ABCA13: variants seen among roughly 807,000 people sequenced by gnomAD.
ABCA13 encodes ATP-binding cassette sub-family A member 13.
A neutral mutation model predicts 478.7 loss-of-function variants in ABCA13; 476 were observed. That is an observed-to-expected ratio of 0.99 (90% CI 0.92 to 1.07). ABCA13 has a LOEUF of 1.07. ABCA13 is among the 50% of genes least tolerant of loss of function. The pLI is 0.00. For missense variants in ABCA13, 6,060 were observed against 5,910.6 expected, an observed-to-expected ratio of 1.03 and a Z score of -0.83; for synonymous variants, 2,252 against 2,158.9, an observed-to-expected ratio of 1.04 and a Z score of -1.20.
At chr7:48,376,714 G>A in intron 35 of ABCA13, 142 bp downstream of exon 35, 1 of 1,027,588 alleles carries the variant, frequency 9.7e-7, no homozygotes, top group Non-Finnish European at 1.4e-6. Flanking sequence ...AAAAGGAGCT[G>A]TACATTTTTG....
rs375675547 is a variant in ABCA13 at position 48,223,039 on chromosome 7, CA to C, written c.468+1731del. 2.6e-5 allele frequency among the ~76,000 whole-genome samples: 4 copies of C among 152,182 alleles called. No homozygotes were observed. In the East Asian group the frequency reaches 7.7e-4, roughly 29 times the overall value. ...TTTTGATATATTTTGGAGGTAAAAT[CA>C]GTAGGCTCTGTTGATGAATGTGAGG... On this transcript the variant is annotated intron_variant, in intron 5 of 61. Coordinates refer to ENST00000435803, the MANE Select transcript of ABCA13 (RefSeq NM_152701.5).
intron 41 of ABCA13, among the ~76,000 whole-genome samples, 170 bp downstream of exon 41, chr7:48,412,753 TTA>T (rs1819447354): frequency 6.8e-6 from 1 of 147,118 alleles, no homozygotes; most frequent in Non-Finnish European, 1.5e-5. Context: ...ATAACTGAAC[TTA>T]ACAGGCCTGA....
chr7:48,273,324 A>G lies in ABCA13; in HGVS notation c.3658A>G (p.Asn1220Asp). 1 of 1,613,672 alleles carries G rather than the reference A, an allele frequency of 6.2e-7. No individual in the cohort carries two copies. The highest frequency in any genetic ancestry group is 8.5e-7 in the Non-Finnish European group (1 of 1,179,758). Residue 1220 changes from asparagine (N) to aspartate (D), a missense_variant, in exon 17 of 62, where the codon AAT (asparagine) becomes GAT (aspartate). Physicochemically the swap from Asn to Asp is conservative, Grantham distance 23. This residue lies in a region of ABCA13 where 4,423 missense variants were observed against 4,309.1 expected (regional missense o/e 1.03). Coordinates refer to ENST00000435803, the MANE Select transcript of ABCA13 (RefSeq NM_152701.5). ...LNLFKNVTQA[N>D]DFHNWEDFLD... ...TTTGTTTAAAAATGTAACTCAAGCC[A>G]ATGACTTCCATAATTGGGAGGACTT...
chr7:48,441,493 A>C (rs958159834), intron 42 of ABCA13, among the ~76,000 whole-genome samples: 1 of 152,136 alleles, frequency 6.6e-6, no homozygotes, highest in Non-Finnish European at 1.5e-5. Flanking sequence ...TGCTTTTCTG[A>C]GGGATTGATG....
chr7:48,535,520 C>T (rs570114602), intron 55 of ABCA13, among the ~76,000 whole-genome samples: 9 of 152,282 alleles, frequency 5.9e-5, no homozygotes, highest in African/African-American at 9.6e-5. Flanking sequence ...AAGAGTGTAT[C>T]GGCTGCCCTT....
chr7:48,513,124 C>A (rs1831835595), intron 51 of ABCA13, among the ~76,000 whole-genome samples: 1 of 152,190 alleles, frequency 6.6e-6, no homozygotes, highest in Non-Finnish European at 1.5e-5. Context: ...GCCTGGCAAT[C>A]TCTGGGTGAG....
chr7:48,485,205 A>G (rs1829171037), intron 47 of ABCA13, among the ~76,000 whole-genome samples: 2 of 151,892 alleles, frequency 1.3e-5, no homozygotes, highest in Admixed American at 1.3e-4. Flanking sequence ...ATGGAATTTT[A>G]TATATTTGAA....
intron 15 of ABCA13, among the ~76,000 whole-genome samples, chr7:48,264,574 ATT>A (rs1473544559): frequency 6.6e-6 from 1 of 151,688 alleles, no homozygotes; most frequent in African/African-American, 2.4e-5. Context: ...TGTCATCTGT[ATT>A]TTTGTTCATA....
At chr7:48,185,292 G>A (rs544830698) in intron 1 of ABCA13, among the ~76,000 whole-genome samples, 30 of 152,294 alleles carry the variant, frequency 2.0e-4, no homozygotes, top group African/African-American at 7.0e-4. Flanking sequence ...GGAACTAATA[G>A]CATGGTGTTT....
chr7:48,369,651 C>T (rs1812328049), intron 32 of ABCA13, among the ~76,000 whole-genome samples: 1 of 152,200 alleles, frequency 6.6e-6, no homozygotes, highest in African/African-American at 2.4e-5. Flanking sequence ...AATAGGGTGT[C>T]CTTTCCCCAC....
chr7:48,318,305 G>T (rs1015359967), intron 27 of ABCA13, among the ~76,000 whole-genome samples: 8 of 151,982 alleles, frequency 5.3e-5, no homozygotes, highest in Admixed American at 5.2e-4. Flanking sequence ...ACTCTGAATG[G>T]TATTTAAACT....
At chr7:48,369,908 T>A (rs1333792167) in intron 32 of ABCA13, among the ~76,000 whole-genome samples, 1 of 151,992 alleles carries the variant, frequency 6.6e-6, no homozygotes, top group Non-Finnish European at 1.5e-5. Context: ...TTTTAGGATT[T>A]TTTTTTTAGT....
At chr7:48,420,115 A>G (rs1164491121) in intron 41 of ABCA13, among the ~76,000 whole-genome samples, 1 of 152,140 alleles carries the variant, frequency 6.6e-6, no homozygotes, top group African/African-American at 2.4e-5. Context: ...CTCTTCCTTC[A>G]TCTGCATTTT....
chr7:48,573,190 A>AT (rs1005942385), intron 55 of ABCA13, among the ~76,000 whole-genome samples: 3 of 151,906 alleles, frequency 2.0e-5, no homozygotes, highest in African/African-American at 7.2e-5. Context: ...TTTTTATTTG[A>AT]TTTTTTAAAC....
At chr7:48,183,675 T>G (rs1387867212) in intron 1 of ABCA13, among the ~76,000 whole-genome samples, 1 of 152,224 alleles carries the variant, frequency 6.6e-6, no homozygotes, top group Non-Finnish European at 1.5e-5. Flanking sequence ...TAGGTCATGT[T>G]GGTTTTCACT....
At chr7:48,638,338 C>A (rs1794848496) in intron 59 of ABCA13, among the ~76,000 whole-genome samples, 1 of 152,068 alleles carries the variant, frequency 6.6e-6, no homozygotes, top group East Asian at 1.9e-4. Flanking sequence ...GTGACACATC[C>A]AGCCACAGAG....
At chr7:48,571,738 A>T (rs929260298) in intron 55 of ABCA13, among the ~76,000 whole-genome samples, 8 of 152,164 alleles carry the variant, frequency 5.3e-5, no homozygotes, top group African/African-American at 1.9e-4. Flanking sequence ...TATATACAAC[A>T]TTATTATTTT....
intron 3 of ABCA13, among the ~76,000 whole-genome samples, chr7:48,213,907 C>T (rs1786056135): frequency 6.6e-6 from 1 of 152,194 alleles, no homozygotes; most frequent in South Asian, 2.1e-4. Flanking sequence ...CATCTTAAGG[C>T]TCCACTTCTA....
At chr7:48,409,230 T>C (rs750101033) in intron 39 of ABCA13, among the ~76,000 whole-genome samples, 3 of 152,180 alleles carry the variant, frequency 2.0e-5, no homozygotes, top group Non-Finnish European at 2.9e-5. Flanking sequence ...TGAAAGCCAA[T>C]AGGGAGTGTC....
Sources: gnomAD v4.1 joint callset for allele counts (sites outside exome capture counted in the v4.1 genomes callset) on GRCh38, gnomAD v4.1.1 for gene constraint, gnomAD v4.1.1 regional missense constraint, MANE v1.5 for transcripts, NCBI Gene and HGNC (gene_info 2026-07-23, HGNC 2026-07-21) for gene names.